The following FN1 variants were observed in gnomAD, a reference collection of about 807,000 sequenced individuals.
The protein encoded by FN1 is fibronectin.
FN1 carries 106 observed loss-of-function variants against 297.3 expected under a neutral mutation model. The observed-to-expected ratio is 0.36, with a 90% confidence interval of 0.30 to 0.42. The LOEUF (loss-of-function observed/expected upper bound fraction) is 0.42. Ranked by LOEUF, FN1 falls within the 10% of genes least tolerant of loss-of-function variation. The probability of loss-of-function intolerance (pLI) is 1.00; values close to 1 mark genes in which losing one functional copy is unlikely to be tolerated. For missense variants in FN1, 2,690 were observed against 3,124.9 expected (o/e 0.86, Z 3.32); for synonymous variants, 1,149 against 1,152.6 (o/e 1.00, Z 0.06).
intron 33 of FN1, chr2:215,379,785 G>A (rs552516610): frequency 6.3e-4 from 107 of 168,580 alleles, no homozygotes; most frequent in Non-Finnish European, 9.7e-4. Flanking sequence ...CCTTGAACTC[G>A]TAGGCTCAAG....
chr2:215,361,694 C>T (rs751678344), intron 45 of FN1, 68 bp from the exon 46 acceptor site: 33 of 1,260,218 alleles, frequency 2.6e-5, no homozygotes, highest in Middle Eastern at 3.7e-4. Flanking sequence ...AAAAAAAATG[C>T]GGGGAGGTGG....
At chr2:215,418,533 CTG>C (rs1474059925) in intron 12 of FN1, among the ~76,000 whole-genome samples, 1 of 152,216 alleles carries the variant, frequency 6.6e-6, no homozygotes, top group Non-Finnish European at 1.5e-5. Context: ...GCTCAAATAA[CTG>C]ATGCCTTTTA....
chr2:215,384,235 G>T, intron 29 of FN1, 51 bp from the exon 30 acceptor site: 2 of 1,547,902 alleles, frequency 1.3e-6, no homozygotes, highest in Non-Finnish European at 8.9e-7. Flanking sequence ...AGCTACTTGG[G>T]TATTACTGAT....
At chr2:215,384,540 G>T in intron 29 of FN1, 1 of 373,296 alleles carries the variant, frequency 2.7e-6, no homozygotes, top group African/African-American at 2.1e-5. Context: ...AATAAAATTT[G>T]GAAAATACAG....
Position 215,399,304 on chromosome 2 carries a change from T to C in FN1, c.3301A>G (p.Thr1101Ala), listed in dbSNP as rs2060694936. ...IPPYNTEVTE[T>A]TIVITWTPAP... ...GGCGTCCATGTGATCACAATGGTGG[T>C]CTCAGTCACCTCGGTGTTGTAAGGT... is the stretch of plus-strand genomic sequence containing the variant. Residue 1101 changes from threonine (T) to alanine (A), a missense_variant, in exon 21 of 46, where the codon ACC becomes GCC. By Grantham distance (58) the Thr-to-Ala change is moderately conservative. Transcript: ENST00000354785. The C allele has an allele frequency of 1.2e-6, 2 of 1,614,032 alleles. No individual in the cohort carries two copies. The highest frequency in any genetic ancestry group is 1.7e-6 in the Non-Finnish European group (2 of 1,179,940).
intron 28 of FN1, 109 bp from the exon 29 acceptor site, chr2:215,385,085 T>C (rs186626563): frequency 1.3e-6 from 1 of 795,022 alleles, no homozygotes; most frequent in Non-Finnish European, 2.2e-6. Context: ...CATACAATCA[T>C]GTAAATACTA....
chr2:215,391,965 AG>A (rs1351495828), intron 25 of FN1, 151 bp from the exon 26 acceptor site: 1 of 706,490 alleles, frequency 1.4e-6, no homozygotes, highest in Non-Finnish European at 2.5e-6. Context: ...TTTAAGTTAT[AG>A]TGTACTACTG....
intron 23 of FN1, among the ~76,000 whole-genome samples, chr2:215,396,657 TCA>T (rs1385773648): frequency 1.3e-5 from 2 of 152,234 alleles, no homozygotes; most frequent in African/African-American, 4.8e-5. Context: ...TTTCTAAGTC[TCA>T]GTTTTCTTAT....
At chr2:215,422,045 T>C in intron 10 of FN1, 46 bp downstream of exon 10, 1 of 1,599,976 alleles carries the variant, frequency 6.3e-7, no homozygotes, top group South Asian at 1.1e-5. Context: ...TGTCCCTTTC[T>C]GTACCTTTTG....
intron 36 of FN1, among the ~76,000 whole-genome samples, chr2:215,375,975 A>G (rs566178897): frequency 7.9e-5 from 12 of 152,330 alleles, no homozygotes; most frequent in Non-Finnish European, 1.8e-4. Flanking sequence ...GCTATGTTGG[A>G]AGAGGCCCTC....
intron 4 of FN1, among the ~76,000 whole-genome samples, 160 bp from the exon 5 acceptor site, chr2:215,431,012 A>G (rs2066420749): frequency 6.6e-6 from 1 of 152,200 alleles, no homozygotes; most frequent in East Asian, 1.9e-4. Context: ...CTAAGCACAC[A>G]GTAAGTAGCC....
intron 20 of FN1, among the ~76,000 whole-genome samples, chr2:215,401,227 A>AAGGAAGGAAGGAAGGAAGG (rs1559474709): frequency 1.1e-4 from 6 of 56,470 alleles, no homozygotes; most frequent in African/African-American, 4.3e-4. Flanking sequence ...AGAAAGAAAG[A>AAGGAAGGAAGGAAGGAAGG]AAGAAAGAAA....
chr2:215,387,136 AT>A (rs1467774842), intron 27 of FN1, among the ~76,000 whole-genome samples, 178 bp from the exon 28 acceptor site: 1 of 152,174 alleles, frequency 6.6e-6, no homozygotes, highest in African/African-American at 2.4e-5. Context: ...CTACATATGA[AT>A]TTTAAAATCT....
At chr2:215,380,249 C>A (rs1036173229) in intron 33 of FN1, 1 of 159,076 alleles carries the variant, frequency 6.3e-6, no homozygotes, top group Non-Finnish European at 1.4e-5. Flanking sequence ...TAGGATACAT[C>A]TTTAGCATTC....
In FN1 at chr2:215,430,899, AT is replaced by A. The variant is rs2066398798; in HGVS notation, c.548-48del. Reference sequence around the variant, plus strand: ...AAACAGGAAAAAAAGGTTATTTTGAATTGTGCAAGCTCCCTGTAATTTAAAG... The same window carrying A: ...AAACAGGAAAAAAAGGTTATTTTGAATGTGCAAGCTCCCTGTAATTTAAAG... On this transcript the variant is annotated intron_variant, in intron 4 of 45. Transcript: ENST00000354785. 2.5e-6 allele frequency: 4 copies of A among 1,603,654 alleles called. No individual in the cohort carries two copies. The East Asian group carries it at 9.0e-5, about 36-fold the overall frequency.
Position 215,428,177 on chromosome 2 carries a change from C to G in FN1, c.844+3G>C. On this transcript the variant is annotated splice_donor_region_variant and intron_variant, in intron 6 of 45. Transcript: ENST00000354785. ...TCCCGCCCCTGCTCGTCCTGTGCCT[C>G]ACCGCTCGATGTGGTCTGCACAGAG... 6.2e-7 allele frequency: 1 copy of G among 1,613,990 alleles called. No individual in the cohort carries two copies. Among genetic ancestry groups the G allele is most frequent in the Non-Finnish European group, 8.5e-7 (1 of 1,180,042 alleles).
chr2:215,404,094 C>A (rs1330141789), intron 20 of FN1, among the ~76,000 whole-genome samples: 1 of 152,158 alleles, frequency 6.6e-6, no homozygotes, highest in Non-Finnish European at 1.5e-5. Context: ...GCAATGTGTG[C>A]AAATTAACAC....
intron 6 of FN1, among the ~76,000 whole-genome samples, chr2:215,427,587 T>C (rs2065690617): frequency 6.6e-6 from 1 of 152,208 alleles, no homozygotes; most frequent in Admixed American, 6.5e-5. Context: ...TTTCTAAAAT[T>C]TCGAATGCCA....
rs768049764 is a variant in FN1 at position 215,375,308 on chromosome 2, A to G, written c.6063T>C (p.Ile2021=). 6.2e-7 allele frequency: 1 copy of G among 1,614,174 alleles called. No individual in the cohort carries two copies. Among genetic ancestry groups the G allele is most frequent in the Non-Finnish European group, 8.5e-7 (1 of 1,180,014 alleles). The change falls in exon 38 of 46, where the codon ATT becomes ATC. Residue 2021 remains isoleucine, a synonymous_variant. Coordinates refer to ENST00000354785, the MANE Select transcript of FN1 (RefSeq NM_212482.4). The part of the protein sequence containing the change: ...LVSWQPPRAR[I]TGYIIKYEKP... Reference sequence around the variant, plus strand: ...TCTCATACTTGATGATGTAGCCGGTAATCCTGGCACGTGGCGGCTGCCATG... The same window carrying G: ...TCTCATACTTGATGATGTAGCCGGTGATCCTGGCACGTGGCGGCTGCCATG...
Sources: allele counts gnomAD v4.1 joint callset (sites outside exome capture counted in the v4.1 genomes callset), GRCh38; gene constraint gnomAD v4.1.1; transcripts MANE v1.5; gene names NCBI Gene and HGNC (gene_info 2026-07-23, HGNC 2026-07-21).